The following LAMA1 variants were observed in gnomAD, a reference collection of about 807,000 sequenced individuals.
The protein encoded by LAMA1 is laminin subunit alpha-1.
A neutral mutation model predicts 348.7 loss-of-function variants in LAMA1; 219 were observed. The ratio of observed to expected loss-of-function variants is 0.63; its 90% CI spans 0.56 to 0.70. LAMA1 has a LOEUF of 0.70. Among genes scored for constraint, LAMA1 ranks in the 30% least tolerant of loss-of-function variants. The pLI is 0.00. For synonymous variants in LAMA1, 1,487 were observed against 1,491.0 expected (o/e 1.00, Z 0.06); for missense variants, 3,744 against 3,888.0 (o/e 0.96, Z 0.99).
intron 39 of LAMA1, 45 bp downstream of exon 39, chr18:6,985,192 C>T: frequency 6.2e-7 from 1 of 1,604,572 alleles, no homozygotes; most frequent in Non-Finnish European, 8.5e-7. Flanking sequence ...TTTCTCCGAT[C>T]AATAGACTGC....
chr18:7,043,354 G>C lies in LAMA1; in HGVS notation c.1028C>G (p.Ala343Gly), dbSNP rs1466983805. Residue 343 changes from alanine to glycine, a missense_variant, in exon 8 of 63, where the codon GCA (alanine) becomes GGA (glycine). Physicochemically the swap from Ala to Gly is moderately conservative, Grantham distance 60. Coordinates refer to ENST00000389658, the MANE Select transcript of LAMA1 (RefSeq NM_005559.4). ...AKDCYYDESV[A>G]KQKKSLNTAG... is the part of the protein sequence containing the mutation. The stretch of plus-strand genomic sequence containing the variant: ...AGTATTCAAACTTTTCTTCTGCTTT[G>C]CAACACTTTCATCATAGTAACAGTC... 1.5e-5 allele frequency: 24 copies of C among 1,613,800 alleles called. No homozygotes were observed. Among genetic ancestry groups the C allele is most frequent in the Non-Finnish European group, 1.9e-5 (23 of 1,179,994 alleles).
intron 3 of LAMA1, among the ~76,000 whole-genome samples, chr18:7,053,954 T>A (rs1173888438): frequency 6.6e-6 from 1 of 151,978 alleles, no homozygotes; most frequent in Non-Finnish European, 1.5e-5. Flanking sequence ...TATTTTTTTG[T>A]GTGACAGGGT....
intron 41 of LAMA1, among the ~76,000 whole-genome samples, chr18:6,981,167 T>C (rs1023168932): frequency 1.3e-5 from 2 of 152,196 alleles, no homozygotes; most frequent in African/African-American, 4.8e-5. Flanking sequence ...TCTACTTTGC[T>C]TGTTGACTTT....
At chr18:6,955,576 A>G in intron 56 of LAMA1, 111 bp from the exon 57 acceptor site, 1 of 751,894 alleles carries the variant, frequency 1.3e-6, no homozygotes, top group South Asian at 1.5e-5. Flanking sequence ...TTAGAACAGC[A>G]ACAACCACCA....
intron 28 of LAMA1, among the ~76,000 whole-genome samples, chr18:7,007,912 C>CTTTT (rs754974556): frequency 9.3e-6 from 1 of 107,104 alleles, no homozygotes; most frequent in East Asian, 2.1e-4. Context: ...TATTACTCCA[C>CTTTT]TTTTATTTAT....
rs370591491 is a variant in LAMA1, at chr18:6,997,615, G to A, written c.4806+127C>T. 3.1e-4 allele frequency: 309 copies of A among 988,044 alleles called. 2 individuals are homozygous for A. The highest frequency in any genetic ancestry group is 2.4e-3 in the South Asian group (183 of 76,534). 61.2% of individuals were successfully genotyped at this position (988,044 alleles called of 1,614,324 possible). A position where few individuals can be genotyped will look rare whatever the true frequency, so the allele number is the denominator to read the frequency against. Reference sequence around the variant, plus strand: ...TCAAGGAAAGACTGGACACCTGCCCGCAGGGGCTGATGGAAGTTGGGCTCT... The same window carrying A: ...TCAAGGAAAGACTGGACACCTGCCCACAGGGGCTGATGGAAGTTGGGCTCT... On this transcript the variant is annotated intron_variant, in intron 33 of 62. Coordinates refer to ENST00000389658, the MANE Select transcript of LAMA1 (RefSeq NM_005559.4).
chr18:7,035,742 T>A (rs535025288), intron 13 of LAMA1, among the ~76,000 whole-genome samples: 1 of 152,246 alleles, frequency 6.6e-6, no homozygotes, highest in East Asian at 1.9e-4. Flanking sequence ...TGTGAAAAGA[T>A]GGGTACACCC....
intron 3 of LAMA1, among the ~76,000 whole-genome samples, chr18:7,067,910 A>G (rs2058129841): frequency 6.6e-6 from 1 of 151,440 alleles, no homozygotes; most frequent in African/African-American, 2.4e-5. Context: ...CTGGAGTGCA[A>G]TGGCACGATC....
chr18:6,957,334 G>A (rs1393155861), intron 55 of LAMA1: 2 of 146,826 alleles, frequency 1.4e-5, no homozygotes, highest in African/African-American at 5.6e-5. Flanking sequence ...AGGAGCATGA[G>A]GATGCCTCAT....
chr18:6,961,421 A>C (rs2057606567), intron 53 of LAMA1, among the ~76,000 whole-genome samples, 165 bp downstream of exon 53: 2 of 152,244 alleles, frequency 1.3e-5, no homozygotes, highest in African/African-American at 2.4e-5. Context: ...TTGATTCATA[A>C]TGGGATGACA....
intron 32 of LAMA1, among the ~76,000 whole-genome samples, chr18:6,999,037 T>G (rs12956666): frequency 6.6e-6 from 1 of 150,668 alleles, no homozygotes; most frequent in Non-Finnish European, 1.5e-5. Flanking sequence ...CATTTTTTTG[T>G]TTTTGTTTTT....
At chr18:6,974,506 G>T (rs1321098120) in intron 46 of LAMA1, among the ~76,000 whole-genome samples, 1 of 149,168 alleles carries the variant, frequency 6.7e-6, no homozygotes, top group Non-Finnish European at 1.5e-5. Context: ...GCCCAGGCTG[G>T]AGTGCAGTGG....
intron 3 of LAMA1, among the ~76,000 whole-genome samples, chr18:7,077,712 T>C (rs1470978992): frequency 6.6e-6 from 1 of 152,114 alleles, no homozygotes; most frequent in African/African-American, 2.4e-5. Flanking sequence ...ACATTCTTAA[T>C]AATGAACACA....
chr18:7,029,313 T>G (rs909484924), intron 16 of LAMA1, among the ~76,000 whole-genome samples: 1 of 152,174 alleles, frequency 6.6e-6, no homozygotes, highest in Non-Finnish European at 1.5e-5. Flanking sequence ...CCTTTTTTCC[T>G]TCCCATCCTT....
rs1299601824 is a variant in LAMA1 at position 7,016,596 on chromosome 18, C to G, written c.2884G>C (p.Gly962Arg). 1 of 1,614,184 alleles carries G rather than the reference C, an allele frequency of 6.2e-7. No individual in the cohort carries two copies. Among genetic ancestry groups the G allele is most frequent in the Admixed American group, 1.7e-5 (1 of 60,034 alleles). ...NCSVAGSVSD[G>R]CTDEGQCHCV... ...TGACACTGGCCTTCATCCGTGCAGC[C>G]ATCTGACACGGAGCCTGCCACGCTG... The change falls in exon 21 of 63, where the codon GGC becomes CGC. Residue 962 changes from glycine to arginine, a missense_variant. By Grantham distance (125) the Gly-to-Arg change is moderately radical (BLOSUM62 -2). Coordinates refer to ENST00000389658, the MANE Select transcript of LAMA1 (RefSeq NM_005559.4).
chr18:6,945,013 A>G (rs964974537), intron 61 of LAMA1, among the ~76,000 whole-genome samples: 9 of 152,212 alleles, frequency 5.9e-5, no homozygotes, highest in Non-Finnish European at 2.9e-5. Flanking sequence ...CATTGTTTGC[A>G]GCAATTACAC....
At chr18:7,113,581 A>T (rs149242892) in intron 1 of LAMA1, among the ~76,000 whole-genome samples, 11 of 152,296 alleles carry the variant, frequency 7.2e-5, no homozygotes, top group Non-Finnish European at 1.5e-4. Flanking sequence ...AGAAACGGTG[A>T]GAAATGGGAA....
intron 3 of LAMA1, among the ~76,000 whole-genome samples, chr18:7,053,462 T>C (rs954540678): frequency 6.6e-6 from 1 of 152,202 alleles, no homozygotes; most frequent in Non-Finnish European, 1.5e-5. Context: ...AACTTCGTAC[T>C]TTCTGCTCAT....
intron 34 of LAMA1, 110 bp downstream of exon 34, chr18:6,995,247 G>A (rs190663311): frequency 2.9e-5 from 23 of 784,680 alleles, no homozygotes; most frequent in Non-Finnish European, 4.9e-5. Flanking sequence ...GTGGGAGGAA[G>A]AGGCTGGCAT....
Sources: allele counts gnomAD v4.1 joint callset (sites outside exome capture counted in the v4.1 genomes callset), GRCh38; gene constraint gnomAD v4.1.1; transcripts MANE v1.5; gene names NCBI Gene and HGNC (gene_info 2026-07-23, HGNC 2026-07-21).